ARID5A: variants seen among roughly 807,000 people sequenced by gnomAD.
ARID5A encodes the protein AT-rich interaction domain 5A.
In ARID5A, 14 loss-of-function variants were observed where a neutral mutation model predicts 30.5. The ratio of observed to expected loss-of-function variants is 0.46; its 90% CI spans 0.30 to 0.72. The LOEUF (loss-of-function observed/expected upper bound fraction) is 0.72, where lower values mean the gene tolerates loss of function less well. Among genes scored for constraint, ARID5A ranks in the 30% least tolerant of loss-of-function variants. The probability of loss-of-function intolerance (pLI) is 0.07; values close to 1 mark genes in which losing one functional copy is unlikely to be tolerated. For synonymous variants in ARID5A, 338 were observed against 340.4 expected (o/e 0.99, Z 0.08); for missense variants, 669 against 786.2 (o/e 0.85, Z 1.78).
intron 1 of ARID5A, among the ~76,000 whole-genome samples, chr2:96,541,870 A>ACAG (rs1159152484): frequency 2.0e-5 from 3 of 152,292 alleles, no homozygotes; most frequent in South Asian, 2.1e-4. Context: ...GCGGTGGCTC[A>ACAG]CAGCAGCAGC....
Position 96,547,923 on chromosome 2 carries a change from G to A in ARID5A, c.120+406G>A, listed in dbSNP as rs564521802. ...GCTTTTTCGGAGCACAGTCGGCCCCGGCTTTCATTCATTTTGGCCATTTGC... is the reference window on the plus strand; with the variant it reads ...GCTTTTTCGGAGCACAGTCGGCCCCAGCTTTCATTCATTTTGGCCATTTGC... On this transcript the variant is annotated intron_variant, in intron 2 of 6. Coordinates refer to ENST00000357485, the MANE Select transcript of ARID5A (RefSeq NM_212481.3). 4.6e-5 allele frequency among the ~76,000 whole-genome samples: 7 copies of A among 152,304 alleles called. No homozygotes were observed. The South Asian group carries it at 1.5e-3, about 32-fold the overall frequency.
Position 96,551,417 on chromosome 2 carries a change from A to T in ARID5A, c.889A>T (p.Ser297Cys). Reference protein sequence around the residue: ...QASPAVHLPESPQSPKGLTEN... With the variant: ...QASPAVHLPECPQSPKGLTEN... Reference sequence around the variant, plus strand: ...GTCCCCAGCTGTTCACCTCCCAGAGAGTCCCCAGAGCCCCAAAGGGCTGAC... The same window carrying T: ...GTCCCCAGCTGTTCACCTCCCAGAGTGTCCCCAGAGCCCCAAAGGGCTGAC... Residue 297 changes from serine to cysteine, a missense_variant, in exon 7 of 7, where the codon AGT (serine) becomes TGT (cysteine). By Grantham distance (112) the Ser-to-Cys change is moderately radical (BLOSUM62 -1). This residue lies in a region of ARID5A where 548 missense variants were observed against 577.4 expected (regional missense o/e 0.95). Coordinates refer to ENST00000357485, the MANE Select transcript of ARID5A (RefSeq NM_212481.3). 6.2e-7 allele frequency: 1 copy of T among 1,602,946 alleles called. No individual in the cohort carries two copies. Among genetic ancestry groups the T allele is most frequent in the Non-Finnish European group, 8.5e-7 (1 of 1,175,486 alleles).
Position 96,549,557 on chromosome 2 carries a change from G to A in ARID5A, c.259+98G>A, listed in dbSNP as rs2065989218. 8.4e-6 allele frequency: 13 copies of A among 1,540,568 alleles called. No individual in the cohort carries two copies. Among genetic ancestry groups the A allele is most frequent in the Non-Finnish European group, 1.2e-5 (13 of 1,128,538 alleles). ...ACTCCCACTCTGGGTGACCCAGGTT[G>A]CAGATAGAAAGGAGGCCTCCCTCCA... On this transcript the variant is annotated intron_variant, in intron 3 of 6. Coordinates refer to ENST00000357485, the MANE Select transcript of ARID5A (RefSeq NM_212481.3). The surrounding 1 kb of genome is among the most constrained non-coding windows in gnomAD (Gnocchi z 6.1).
rs1358834351 is a variant in ARID5A at position 96,550,064 on chromosome 2, G to C, written c.313-124G>C. ...TAGGAGAGAGAATCGGCTGGCCGCTGCTGGAGCCGCAGAGCAGCTGCCAAA... is the reference window on the plus strand; with the variant it reads ...TAGGAGAGAGAATCGGCTGGCCGCTCCTGGAGCCGCAGAGCAGCTGCCAAA... On this transcript the variant is annotated intron_variant, in intron 4 of 6. Coordinates refer to ENST00000357485, the MANE Select transcript of ARID5A (RefSeq NM_212481.3). The surrounding 1 kb of genome is among the most constrained non-coding windows in gnomAD (Gnocchi z 6.6). 6.5e-7 allele frequency: 1 copy of C among 1,532,416 alleles called. No individual in the cohort carries two copies. The highest frequency in any genetic ancestry group is 2.5e-5 in the East Asian group (1 of 40,804). The allele number at this position is 1,532,416 out of a possible 1,614,324, so 94.9% of individuals were successfully genotyped here.
Position 96,538,320 on chromosome 2 carries a change from C to G in ARID5A, c.4+1490C>G, listed in dbSNP as rs935553371. 4.1e-6 allele frequency: 4 copies of G among 985,400 alleles called. No homozygotes were observed. The African/African-American group carries it at 7.0e-5, about 17-fold the overall frequency. The allele number at this position is 985,400 out of a possible 1,614,324, so 61.0% of individuals were successfully genotyped here. A position where few individuals can be genotyped will look rare whatever the true frequency, so the allele number is the denominator to read the frequency against. On this transcript the variant is annotated intron_variant, in intron 1 of 6. Coordinates refer to ENST00000357485, the MANE Select transcript of ARID5A (RefSeq NM_212481.3). Reference sequence around the variant, plus strand: ...GGGGCTTTTAGGACATCCCAGAGCCCGGTAAGAGGGACAGGGAGAATGGGG... The same window carrying G: ...GGGGCTTTTAGGACATCCCAGAGCCGGGTAAGAGGGACAGGGAGAATGGGG...
In ARID5A at chr2:96,551,131, T is replaced by G. The variant is rs756427725; in HGVS notation, c.603T>G (p.Ala201=). The change falls in exon 7 of 7, where the codon GCT becomes GCG. Residue 201 remains alanine (A), a synonymous_variant. Coordinates refer to ENST00000357485, the MANE Select transcript of ARID5A (RefSeq NM_212481.3). ...MMPGKTKADA[A]DPAPLPSQEP... ...CAGGAAAGACCAAAGCAGATGCTGC[T>G]GACCCAGCACCACTTCCCAGCCAGG... 1 of 1,613,322 alleles carries G rather than the reference T, an allele frequency of 6.2e-7. No homozygotes were observed. Among genetic ancestry groups the G allele is most frequent in the Non-Finnish European group, 8.5e-7 (1 of 1,179,700 alleles).
At chr2:96,544,385 A>G (rs983186102) in intron 1 of ARID5A, among the ~76,000 whole-genome samples, 2 of 152,188 alleles carry the variant, frequency 1.3e-5, no homozygotes, top group African/African-American at 2.4e-5. Flanking sequence ...AGACAGGCTG[A>G]CTCTCTTGTT....
In ARID5A at chr2:96,537,070, G is replaced by C. The variant is rs2065746423; in HGVS notation, c.4+240G>C. Among the ~76,000 whole-genome samples the C allele has an allele frequency of 6.6e-6, 1 of 152,148 alleles. No homozygotes were observed. The highest frequency in any genetic ancestry group is 6.5e-5 in the Admixed American group (1 of 15,288). On this transcript the variant is annotated intron_variant, in intron 1 of 6. Transcript: ENST00000357485. The surrounding 1 kb of genome is among the most constrained non-coding windows in gnomAD (Gnocchi z 4.8). ...GGCGTCCGCGCGAGCTTCGAGAAAA[G>C]GAAAGACAAAAAGTTTTGGCGGCCA...
At chr2:96,542,702 A>T (rs536785949) in intron 1 of ARID5A, among the ~76,000 whole-genome samples, 1 of 152,300 alleles carries the variant, frequency 6.6e-6, no homozygotes, top group Admixed American at 6.5e-5. Flanking sequence ...ATTTTTCTGA[A>T]GCCCAAGGTG....
rs1440242737 is a variant in ARID5A, at chr2:96,539,260, A to G, written c.4+2430A>G. On this transcript the variant is annotated intron_variant, in intron 1 of 6. Transcript: ENST00000357485. The surrounding 1 kb of genome is among the most constrained non-coding windows in gnomAD (Gnocchi z 4.7). ...GACCAACTTGGTAAGAGGTGCAGCC[A>G]TGCAGTGCTGGAACCCCTTGCCCCA... is the stretch of plus-strand genomic sequence containing the variant. Among the ~76,000 whole-genome samples, 1 of 152,232 alleles carries G rather than the reference A, an allele frequency of 6.6e-6. No homozygotes were observed. Among genetic ancestry groups the G allele is most frequent in the East Asian group, 1.9e-4 (1 of 5,200 alleles).
At chr2:96,548,051 G>A (rs1337047405) in intron 2 of ARID5A, among the ~76,000 whole-genome samples, 2 of 152,290 alleles carry the variant, frequency 1.3e-5, no homozygotes, top group Admixed American at 6.5e-5. Flanking sequence ...TAGAGGCCTG[G>A]AGGAGCAGAT....
intron 1 of ARID5A, among the ~76,000 whole-genome samples, chr2:96,545,257 A>G (rs1447892570): frequency 6.6e-6 from 1 of 150,974 alleles, no homozygotes; most frequent in African/African-American, 2.4e-5. Context: ...CCTAGGTTCA[A>G]AGGATTCTCC....
chr2:96,536,797 G>A lies in ARID5A; in HGVS notation c.-30G>A. The A allele has an allele frequency of 1.6e-6, 2 of 1,226,996 alleles. No homozygotes were observed. Among genetic ancestry groups the A allele is most frequent in the Non-Finnish European group, 2.0e-6 (2 of 984,794 alleles). The allele number at this position is 1,226,996 out of a possible 1,614,324, so 76.0% of individuals were successfully genotyped here. A position where few individuals can be genotyped will look rare whatever the true frequency, so the allele number is the denominator to read the frequency against. ...CGGACAGCCGCGCGCTGAGGGTCTCGGGGCGGGCGCCGCGGGACCTCTCCG... is the reference window on the plus strand; with the variant it reads ...CGGACAGCCGCGCGCTGAGGGTCTCAGGGCGGGCGCCGCGGGACCTCTCCG... On this transcript the variant is annotated 5_prime_UTR_variant, in exon 1 of 7. Coordinates refer to ENST00000357485, the MANE Select transcript of ARID5A (RefSeq NM_212481.3).
At position 96,549,511 on chromosome 2, in the gene ARID5A, C is replaced by A; in HGVS notation, c.259+52C>A. On this transcript the variant is annotated intron_variant, in intron 3 of 6. Coordinates refer to ENST00000357485, the MANE Select transcript of ARID5A (RefSeq NM_212481.3). The surrounding 1 kb of genome is among the most constrained non-coding windows in gnomAD (Gnocchi z 6.1). ...GGGGGGCCCAGCAGGGGACCCCGCC[C>A]AGGCAGGGCATCGGGCAGGCACTCC... is the stretch of plus-strand genomic sequence containing the variant. 1 of 1,593,510 alleles carries A rather than the reference C, an allele frequency of 6.3e-7. No homozygotes were observed. Among genetic ancestry groups the A allele is most frequent in the Non-Finnish European group, 8.6e-7 (1 of 1,168,144 alleles).
rs781156607 is a variant in ARID5A, at chr2:96,551,503, C to G, written c.975C>G (p.Leu325=). ...QEGLQAPGGS[L]REEAQAGPCP... The stretch of plus-strand genomic sequence containing the variant: ...GATTGCAGGCCCCAGGTGGCAGCCT[C>G]AGAGAGGAGGCGCAGGCAGGCCCCT... The change falls in exon 7 of 7, where the codon CTC becomes CTG. Residue 325 remains leucine (L), a synonymous_variant. Coordinates refer to ENST00000357485, the MANE Select transcript of ARID5A (RefSeq NM_212481.3). The G allele has an allele frequency of 2.1e-5, 33 of 1,593,776 alleles. No homozygotes were observed. In the Admixed American group the frequency reaches 4.3e-4, roughly 21 times the overall value.
intron 1 of ARID5A, among the ~76,000 whole-genome samples, chr2:96,546,034 A>C (rs1211316437): frequency 6.6e-6 from 1 of 152,174 alleles, no homozygotes; most frequent in Admixed American, 6.5e-5. Context: ...ACCCCAGCCC[A>C]AGAAACCACC....
rs1258090456 is a variant in ARID5A, at chr2:96,537,714, ACCCGGG to A, written c.4+889_4+894del. On this transcript the variant is annotated intron_variant, in intron 1 of 6. Transcript: ENST00000357485. This position sits in a 1 kb window ranked among gnomAD's most constrained non-coding sequence, Gnocchi z 4.8. ...CGCGCTCGGCGGGAGCTGCGGGCCA[ACCCGGG>A]CCCGCGCTCCGTCCCTCCGCGGTGT... 1 of 302,618 alleles carries A rather than the reference ACCCGGG, an allele frequency of 3.3e-6. No individual in the cohort carries two copies. Among genetic ancestry groups the A allele is most frequent in the East Asian group, 1.8e-4 (1 of 5,706 alleles). 18.7% of individuals were successfully genotyped at this position (302,618 alleles called of 1,614,324 possible).
Position 96,537,667 on chromosome 2 carries a change from G to T in ARID5A, c.4+837G>T, listed in dbSNP as rs2065763123. The T allele has an allele frequency of 6.3e-6, 1 of 159,706 alleles. No individual in the cohort carries two copies. The highest frequency in any genetic ancestry group is 1.3e-5 in the Non-Finnish European group (1 of 74,968). 9.9% of individuals were successfully genotyped at this position (159,706 alleles called of 1,614,324 possible). A position where few individuals can be genotyped will look rare whatever the true frequency, so the allele number is the denominator to read the frequency against. On this transcript the variant is annotated intron_variant, in intron 1 of 6. Transcript: ENST00000357485. This position sits in a 1 kb window ranked among gnomAD's most constrained non-coding sequence, Gnocchi z 4.8. ...AAGAGGGCAAGAGCGTGGGCTACGA[G>T]CTTGCAGGCGATGCCCGGCTTCGCG...
intron 1 of ARID5A, chr2:96,538,267 TG>T: frequency 2.0e-6 from 2 of 985,480 alleles, no homozygotes; most frequent in Non-Finnish European, 1.2e-6. Context: ...CCAGACTCCG[TG>T]GGGAGGGACA....
Sources: allele counts gnomAD v4.1 joint callset (sites outside exome capture counted in the v4.1 genomes callset), GRCh38; gene constraint gnomAD v4.1.1; regional missense constraint gnomAD v4.1.1; non-coding constraint Gnocchi (gnomAD v3.1); transcripts MANE v1.5; gene names NCBI Gene and HGNC (gene_info 2026-07-23, HGNC 2026-07-21).